C1orf185: variants seen among roughly 807,000 people sequenced by gnomAD.
C1orf185 encodes uncharacterized protein C1orf185.
In C1orf185, 13 loss-of-function variants were observed where a neutral mutation model predicts 16.1. The observed-to-expected ratio is 0.81, with a 90% CI of 0.53 to 1.28. C1orf185 has a LOEUF of 1.28. Ranked by LOEUF, C1orf185 falls within the 50% of genes most tolerant of loss-of-function variation. C1orf185 has a pLI of 0.00. For synonymous variants in C1orf185, 80 were observed against 76.9 expected, an observed-to-expected ratio of 1.04 and a Z score of -0.21; for missense variants, 220 against 225.2, an observed-to-expected ratio of 0.98 and a Z score of 0.15.
chr1:51,135,228 A>G (rs1401523862), intron 3 of C1orf185, among the ~76,000 whole-genome samples: 1 of 152,192 alleles, frequency 6.6e-6, no homozygotes, highest in East Asian at 1.9e-4. Context: ...CATCATATAA[A>G]CAGAACTAAA....
Position 51,147,739 on chromosome 1 carries a change from GGTACTGAAAGT to G in C1orf185, c.577_587del (p.Ser193Ter). On this transcript the variant is annotated frameshift_variant, in exon 5 of 5. Coordinates refer to ENST00000371759, the MANE Select transcript of C1orf185 (RefSeq NM_001136508.2). LOFTEE classifies it high-confidence loss of function. ...CCTGTCAACCATTTCATTAGAAGAG[GGTACTGAAAGT>G]GTACTGAATGACACTTTATGACCAT... 1 of 1,547,800 alleles carries G rather than the reference GGTACTGAAAGT, an allele frequency of 6.5e-7. No individual in the cohort carries two copies. The highest frequency in any genetic ancestry group is 8.7e-7 in the Non-Finnish European group (1 of 1,145,372).
At chr1:51,144,882 G>A (rs939845356) in intron 3 of C1orf185, among the ~76,000 whole-genome samples, 7 of 151,928 alleles carry the variant, frequency 4.6e-5, no homozygotes, top group Non-Finnish European at 7.4e-5. Flanking sequence ...CATCCCAAAC[G>A]CTCTATGCTT....
At chr1:51,141,506 A>C (rs919148560) in intron 3 of C1orf185, among the ~76,000 whole-genome samples, 2 of 152,096 alleles carry the variant, frequency 1.3e-5, no homozygotes, top group South Asian at 4.1e-4. Flanking sequence ...AAAAAGAAAA[A>C]AATCAAGTAC....
At chr1:51,117,820 T>C (rs1038395098) in intron 2 of C1orf185, among the ~76,000 whole-genome samples, 2 of 152,226 alleles carry the variant, frequency 1.3e-5, no homozygotes, top group South Asian at 2.1e-4. Context: ...ACTTGCTGCT[T>C]TCTTTTCTTT....
chr1:51,133,404 C>G (rs945521904), intron 3 of C1orf185, among the ~76,000 whole-genome samples: 2 of 152,134 alleles, frequency 1.3e-5, no homozygotes, highest in Admixed American at 1.3e-4. Flanking sequence ...GAGTTGCAAT[C>G]ATAGTTTCAG....
At chr1:51,115,382 C>A (rs1165151883) in intron 2 of C1orf185, among the ~76,000 whole-genome samples, 2 of 152,104 alleles carry the variant, frequency 1.3e-5, no homozygotes, top group African/African-American at 4.8e-5. Flanking sequence ...TGCATTTATC[C>A]ATCCATAGTT....
At chr1:51,125,439 A>G (rs545513008) in intron 3 of C1orf185, among the ~76,000 whole-genome samples, 1 of 152,312 alleles carries the variant, frequency 6.6e-6, no homozygotes, top group African/African-American at 2.4e-5. Flanking sequence ...TTTTAGTAAC[A>G]CTAAGTCTTC....
chr1:51,130,351 CTT>C (rs113969943), intron 3 of C1orf185, among the ~76,000 whole-genome samples: 6 of 143,276 alleles, frequency 4.2e-5, no homozygotes, highest in Non-Finnish European at 3.1e-5. Context: ...TTCTTTCTTT[CTT>C]TTTTTTTTTT....
At chr1:51,110,772 C>T (rs575639814) in intron 1 of C1orf185, among the ~76,000 whole-genome samples, 1 of 152,154 alleles carries the variant, frequency 6.6e-6, no homozygotes, top group African/African-American at 2.4e-5. Context: ...AGTTAGAGAC[C>T]AGCGTGGCCA....
At chr1:51,104,997 C>T (rs536848622) in intron 1 of C1orf185, among the ~76,000 whole-genome samples, 17 of 150,902 alleles carry the variant, frequency 1.1e-4, no homozygotes, top group African/African-American at 4.1e-4. Context: ...TGGAGTCTTG[C>T]TCTGTCACCC....
chr1:51,109,754 T>C (rs1445568518), intron 1 of C1orf185, among the ~76,000 whole-genome samples: 2 of 152,202 alleles, frequency 1.3e-5, no homozygotes, highest in Non-Finnish European at 2.9e-5. Flanking sequence ...CCTATGTTTC[T>C]GTTTTTTATG....
Position 51,118,649 on chromosome 1 carries a change from T to C in C1orf185, c.123-17T>C, listed in dbSNP as rs569829984. The stretch of plus-strand genomic sequence containing the variant: ...CTAACTCAGGTTTAATAATATTCTT[T>C]ATAAAATATTTTTCAGAGAAATATT... On this transcript the variant is annotated splice_polypyrimidine_tract_variant and intron_variant, in intron 2 of 4. Coordinates refer to ENST00000371759, the MANE Select transcript of C1orf185 (RefSeq NM_001136508.2). 3.8e-6 allele frequency: 5 copies of C among 1,305,708 alleles called. No homozygotes were observed. In the African/African-American group the frequency reaches 7.6e-5, roughly 20 times the overall value. 80.9% of individuals were successfully genotyped at this position (1,305,708 alleles called of 1,614,324 possible). A position where few individuals can be genotyped will look rare whatever the true frequency, so the allele number is the denominator to read the frequency against.
intron 3 of C1orf185, among the ~76,000 whole-genome samples, chr1:51,128,936 G>GT (rs766134556): frequency 2.2e-4 from 34 of 151,916 alleles, no homozygotes; most frequent in Non-Finnish European, 4.0e-4. Flanking sequence ...CCAGGCTTGA[G>GT]TGCAGTGGCA....
chr1:51,147,839 C>T lies in C1orf185; in HGVS notation c.*68C>T, dbSNP rs767963438. The T allele has an allele frequency of 1.5e-5, 20 of 1,327,286 alleles. No homozygotes were observed. Among genetic ancestry groups the T allele is most frequent in the Admixed American group, 2.9e-5 (1 of 34,698 alleles). 82.2% of individuals were successfully genotyped at this position (1,327,286 alleles called of 1,614,324 possible). ...AAACACAGAGGTTGAAATATAAAAC[C>T]TTCAACATAATACTGAATGACTTTT... On this transcript the variant is annotated 3_prime_UTR_variant, in exon 5 of 5. Coordinates refer to ENST00000371759, the MANE Select transcript of C1orf185 (RefSeq NM_001136508.2).
chr1:51,144,755 C>T (rs563975177), intron 3 of C1orf185, among the ~76,000 whole-genome samples: 29 of 152,100 alleles, frequency 1.9e-4, no homozygotes, highest in African/African-American at 6.3e-4. Context: ...TAAAAGTATC[C>T]TAAATAAGCT....
At chr1:51,113,377 T>C (rs1646136912) in intron 2 of C1orf185, among the ~76,000 whole-genome samples, 1 of 151,576 alleles carries the variant, frequency 6.6e-6, no homozygotes, top group African/African-American at 2.4e-5. Flanking sequence ...ATTATTAATA[T>C]TAATATTAAT....
At chr1:51,102,783 G>A (rs1195790709) in intron 1 of C1orf185, among the ~76,000 whole-genome samples, 1 of 151,242 alleles carries the variant, frequency 6.6e-6, no homozygotes, top group African/African-American at 2.4e-5. Flanking sequence ...TATTTTGCTG[G>A]TCTTTTTCAA....
intron 1 of C1orf185, among the ~76,000 whole-genome samples, chr1:51,105,934 C>T (rs954395572): frequency 3.3e-5 from 5 of 152,106 alleles, no homozygotes; most frequent in Admixed American, 1.3e-4. Flanking sequence ...TTTTCCTTCC[C>T]GTGGTAAAAT....
At chr1:51,149,360 A>G (rs1646419487), downstream of C1orf185, among the ~76,000 whole-genome samples, 1 of 152,182 alleles carries the variant, frequency 6.6e-6, no homozygotes. Flanking sequence ...TCCCAAGAGC[A>G]AATGTAAAAG....
Sources: gnomAD v4.1 joint callset for allele counts (sites outside exome capture counted in the v4.1 genomes callset) on GRCh38, gnomAD v4.1.1 for gene constraint, MANE v1.5 for transcripts, NCBI Gene and HGNC (gene_info 2026-07-23, HGNC 2026-07-21) for gene names.